CSMD1: variants seen among roughly 807,000 people sequenced by gnomAD.
CSMD1 encodes CUB and Sushi multiple domains 1.
A neutral mutation model predicts 417.5 loss-of-function variants in CSMD1; 213 were observed. The ratio of observed to expected loss-of-function variants is 0.51; its 90% CI spans 0.46 to 0.57. The LOEUF is 0.57. Ranked by LOEUF, CSMD1 falls within the 20% of genes least tolerant of loss-of-function variation. The pLI is 0.00. For synonymous variants in CSMD1, 2,862 were observed against 1,736.8 expected, an observed-to-expected ratio of 1.65 and a Z score of -16.11; for missense variants, 6,923 against 4,529.7, an observed-to-expected ratio of 1.53 and a Z score of -15.17.
chr8:4,691,640 T>G (rs924927628), intron 1 of CSMD1, among the ~76,000 whole-genome samples: 2 of 152,216 alleles, frequency 1.3e-5, no homozygotes, highest in African/African-American at 4.8e-5. Context: ...TCTATGCCTG[T>G]CATGTCTGCC....
intron 30 of CSMD1, among the ~76,000 whole-genome samples, chr8:3,212,873 A>C (rs1356262584): frequency 7.0e-6 from 1 of 142,242 alleles, no homozygotes; most frequent in Non-Finnish European, 1.5e-5. Context: ...CTTGTTGCCC[A>C]AGCTGGAGTG....
At chr8:4,118,315 C>T (rs944523239) in intron 3 of CSMD1, among the ~76,000 whole-genome samples, 10 of 151,592 alleles carry the variant, frequency 6.6e-5, no homozygotes, top group African/African-American at 2.2e-4. Context: ...ATGTTTACTG[C>T]AGCAAACTTA....
intron 5 of CSMD1, among the ~76,000 whole-genome samples, chr8:3,912,220 A>G (rs1158575729): frequency 1.3e-5 from 2 of 152,214 alleles, no homozygotes; most frequent in African/African-American, 2.4e-5. Flanking sequence ...CTGATTCGAC[A>G]TACTTCTATA....
At chr8:4,605,696 G>C (rs971642586) in intron 2 of CSMD1, among the ~76,000 whole-genome samples, 2 of 152,010 alleles carry the variant, frequency 1.3e-5, no homozygotes, top group South Asian at 2.1e-4. Flanking sequence ...GTCCCTTGTA[G>C]AATGCATAAA....
intron 57 of CSMD1, among the ~76,000 whole-genome samples, chr8:2,970,829 A>C (rs543554955): frequency 3.4e-4 from 52 of 152,344 alleles, no homozygotes; most frequent in African/African-American, 1.1e-3. Context: ...TTGAAATTTT[A>C]CTATGGAAAT....
chr8:3,588,645 A>G (rs1449963249), intron 8 of CSMD1, among the ~76,000 whole-genome samples: 3 of 152,120 alleles, frequency 2.0e-5, no homozygotes, highest in Non-Finnish European at 4.4e-5. Context: ...ACGTATCAGT[A>G]GCAAATTGTA....
chr8:3,426,288 A>G (rs541482698), intron 12 of CSMD1, among the ~76,000 whole-genome samples: 4 of 152,294 alleles, frequency 2.6e-5, no homozygotes, highest in Admixed American at 6.5e-5. Flanking sequence ...TTATTTCTTG[A>G]TCATCAATTT....
chr8:3,233,072 C>T (rs2116922608), intron 26 of CSMD1, among the ~76,000 whole-genome samples: 1 of 146,920 alleles, frequency 6.8e-6, no homozygotes, highest in African/African-American at 2.5e-5. Flanking sequence ...AATTTGTTTG[C>T]TTATTATGTT....
In CSMD1 at chr8:3,409,487, C is replaced by A. The variant is rs371400420; in HGVS notation, c.1680G>T (p.Val560=). The A allele has an allele frequency of 5.0e-5, 80 of 1,611,546 alleles. No individual in the cohort carries two copies. The highest frequency in any genetic ancestry group is 4.5e-5 in the East Asian group (2 of 44,774). The change falls in exon 13 of 70, where the codon GTG becomes GTT. Residue 560 remains valine (V), a synonymous_variant. Transcript: ENST00000635120. The part of the protein sequence containing the change: ...TFECPAAFEL[V]GERVITCQQN... ...GCTGACAGGTGATAACTCTCTCCCC[C>A]ACCAGCTCAAAGGCCGCCGGGCATT...
chr8:3,642,287 T>C (rs962503608), intron 7 of CSMD1, among the ~76,000 whole-genome samples: 1 of 151,966 alleles, frequency 6.6e-6, no homozygotes, highest in African/African-American at 2.4e-5. Flanking sequence ...AAATTCACTG[T>C]GAAAAAGAGA....
chr8:3,346,143 C>G (rs924153822), intron 22 of CSMD1, among the ~76,000 whole-genome samples: 1 of 152,136 alleles, frequency 6.6e-6, no homozygotes, highest in Non-Finnish European at 1.5e-5. Context: ...TATATGCCTG[C>G]AAAATGTGTA....
At chr8:3,139,714 T>C (rs193242449) in intron 41 of CSMD1, among the ~76,000 whole-genome samples, 30 of 152,232 alleles carry the variant, frequency 2.0e-4, no homozygotes, top group Admixed American at 1.8e-3. Flanking sequence ...TGTATGTGTG[T>C]GTGTCGATGT....
chr8:3,244,592 T>C (rs751774210), intron 26 of CSMD1, among the ~76,000 whole-genome samples: 32 of 152,274 alleles, frequency 2.1e-4, no homozygotes, highest in Non-Finnish European at 3.8e-4. Context: ...GGGGAAATCA[T>C]AGACACACGT....
At chr8:3,590,516 C>A (rs187096240) in intron 8 of CSMD1, among the ~76,000 whole-genome samples, 1 of 152,148 alleles carries the variant, frequency 6.6e-6, no homozygotes, top group Non-Finnish European at 1.5e-5. Flanking sequence ...CACCTGGTAT[C>A]ACAAGCTAGT....
At chr8:4,714,368 AT>A (rs1318427562) in intron 1 of CSMD1, among the ~76,000 whole-genome samples, 1 of 152,200 alleles carries the variant, frequency 6.6e-6, no homozygotes, top group Non-Finnish European at 1.5e-5. Context: ...ATTTAAATTA[AT>A]ATGTGTAAGA....
chr8:4,054,337 G>C (rs867767050), intron 3 of CSMD1, among the ~76,000 whole-genome samples: 1 of 152,152 alleles, frequency 6.6e-6, no homozygotes. Flanking sequence ...GGGTAGGAAT[G>C]TGTGGTTTGA....
chr8:4,866,502 G>C (rs944114186), intron 1 of CSMD1, among the ~76,000 whole-genome samples: 1 of 151,454 alleles, frequency 6.6e-6, no homozygotes, highest in Non-Finnish European at 1.5e-5. Flanking sequence ...TTTATGCTAG[G>C]TACTTTTAAT....
At chr8:4,438,472 C>T (rs1019501785) in intron 2 of CSMD1, among the ~76,000 whole-genome samples, 6 of 152,264 alleles carry the variant, frequency 3.9e-5, no homozygotes, top group Middle Eastern at 3.4e-3. Flanking sequence ...GGCAATGGAC[C>T]AACGCTTGGG....
intron 9 of CSMD1, among the ~76,000 whole-genome samples, chr8:3,577,537 G>A (rs1460111790): frequency 2.6e-5 from 4 of 152,158 alleles, no homozygotes; most frequent in Non-Finnish European, 4.4e-5. Flanking sequence ...ATTCAGACCA[G>A]AGATTTGTGT....
Sources: allele counts gnomAD v4.1 joint callset (sites outside exome capture counted in the v4.1 genomes callset), GRCh38; gene constraint gnomAD v4.1.1; transcripts MANE v1.5; gene names NCBI Gene and HGNC (gene_info 2026-07-23, HGNC 2026-07-21).